FSTL4: variants seen among roughly 807,000 people sequenced by gnomAD.
The protein encoded by FSTL4 is follistatin like 4.
FSTL4 carries 28 observed loss-of-function variants against 78.2 expected under a neutral mutation model. The observed-to-expected ratio is 0.36, with a 90% CI of 0.27 to 0.49. The LOEUF (loss-of-function observed/expected upper bound fraction) is 0.49. Ranked by LOEUF, FSTL4 falls within the 20% of genes least tolerant of loss-of-function variation. The probability of loss-of-function intolerance (pLI) is 0.98; values close to 1 mark genes in which losing one functional copy is unlikely to be tolerated. For missense variants in FSTL4, 922 were observed against 1,084.9 expected, an observed-to-expected ratio of 0.85 and a Z score of 2.11; for synonymous variants, 422 against 440.5, an observed-to-expected ratio of 0.96 and a Z score of 0.53.
At chr5:133,525,578 C>G (rs1759078178) in intron 3 of FSTL4, among the ~76,000 whole-genome samples, 1 of 152,214 alleles carries the variant, frequency 6.6e-6, no homozygotes. Context: ...AAATGATCAT[C>G]AGAAACCGTC....
the FSTL4 span, among the ~76,000 whole-genome samples, chr5:133,701,088 G>A: frequency 6.6e-6 from 1 of 152,086 alleles, no homozygotes; most frequent in Non-Finnish European, 1.5e-5. Context: ...GCCCCAGGGG[G>A]ACATTCCATA....
chr5:133,746,722 T>C, the FSTL4 span, among the ~76,000 whole-genome samples: 1 of 152,102 alleles, frequency 6.6e-6, no homozygotes, highest in African/African-American at 2.4e-5. Flanking sequence ...AAAAAAGCGA[T>C]TCCATTTTCA....
chr5:133,394,240 G>A (rs1167642971), intron 4 of FSTL4, among the ~76,000 whole-genome samples: 4 of 152,366 alleles, frequency 2.6e-5, no homozygotes, highest in East Asian at 1.9e-4. Context: ...CAGCCTTGGC[G>A]CCCACTCTGG....
chr5:133,741,717 C>T, the FSTL4 span, among the ~76,000 whole-genome samples: 751 of 152,342 alleles, frequency 4.9e-3, 6 homozygotes, highest in African/African-American at 0.017. Context: ...TATCCACACT[C>T]CCCGCACTGT....
At chr5:133,657,073 A>C in the FSTL4 span, among the ~76,000 whole-genome samples, 1 of 152,198 alleles carries the variant, frequency 6.6e-6, no homozygotes, top group Non-Finnish European at 1.5e-5. Flanking sequence ...TTCAGAAGTC[A>C]GGTTTGGACA....
At chr5:133,303,427 C>T (rs1352830335) in intron 6 of FSTL4, among the ~76,000 whole-genome samples, 2 of 152,254 alleles carry the variant, frequency 1.3e-5, no homozygotes, top group African/African-American at 4.8e-5. Flanking sequence ...TCCAATGCCT[C>T]TCTCTGCCTA....
chr5:133,796,987 G>A, the FSTL4 span, among the ~76,000 whole-genome samples: 2 of 152,244 alleles, frequency 1.3e-5, no homozygotes, highest in African/African-American at 4.8e-5. Context: ...ACTGCATTGA[G>A]CCCAGGAATC....
At chr5:133,427,577 C>CG (rs750334953) in intron 3 of FSTL4, 2 of 476,998 alleles carry the variant, frequency 4.2e-6, no homozygotes, top group Non-Finnish European at 8.9e-6. Flanking sequence ...CACGCAATGG[C>CG]GGGGGGAAGG....
chr5:133,199,152 C>G lies in FSTL4; in HGVS notation c.2472G>C (p.Arg824=). 1 of 1,600,522 alleles carries G rather than the reference C, an allele frequency of 6.2e-7. No homozygotes were observed. The highest frequency in any genetic ancestry group is 8.5e-7 in the Non-Finnish European group (1 of 1,171,296). ...CCCCCTTTATACCTGACACCTCACA[C>G]CGCAGCGTGTTTTGTCTCCCATTGA... ...FLINGRQNTL[R]CEVSGIKGGT... The change falls in exon 16 of 16, where the codon CGG becomes CGC. Residue 824 remains arginine (R), a synonymous_variant. Coordinates refer to ENST00000265342, the MANE Select transcript of FSTL4 (RefSeq NM_015082.2). This position sits in a 1 kb window ranked among gnomAD's most constrained non-coding sequence, Gnocchi z 4.4.
rs1760924585 is a variant in FSTL4, at chr5:133,603,975, T to G, written c.9A>C (p.Pro3=). Residue 3 remains proline (P), a synonymous_variant, in exon 2 of 16, where the codon CCA becomes CCC. Transcript: ENST00000265342. Reference sequence around the variant, plus strand: ...GTGTGAGATGCAGCCAAAAGCCTCCTGGTTTCATTTTGATGAGTCTGTTGA... The same window carrying G: ...GTGTGAGATGCAGCCAAAAGCCTCCGGGTTTCATTTTGATGAGTCTGTTGA... MK[P]GGFWLHLTLL... 1 of 1,612,194 alleles carries G rather than the reference T, an allele frequency of 6.2e-7. No homozygotes were observed. Among genetic ancestry groups the G allele is most frequent in the Non-Finnish European group, 8.5e-7 (1 of 1,178,384 alleles).
the FSTL4 span, among the ~76,000 whole-genome samples, chr5:133,795,895 C>T: frequency 6.6e-6 from 1 of 152,210 alleles, no homozygotes; most frequent in South Asian, 2.1e-4. Flanking sequence ...GAGTGTGAAT[C>T]CAGGCCTGCG....
rs1241263741 is a variant in FSTL4 at position 133,503,923 on chromosome 5, T to TA, written c.160+63262dup. On this transcript the variant is annotated intron_variant, in intron 3 of 15. Coordinates refer to ENST00000265342, the MANE Select transcript of FSTL4 (RefSeq NM_015082.2). ...AGGGCTGGGGAGGCCTCAGGTAACT[T>TA]ACGATCATGGCAGAAGGGGAAGAAA... Among the ~76,000 whole-genome samples the TA allele has an allele frequency of 5.3e-5, 8 of 152,290 alleles. No homozygotes were observed. In the South Asian group the frequency reaches 6.2e-4, roughly 12 times the overall value.
intron 6 of FSTL4, among the ~76,000 whole-genome samples, chr5:133,305,379 G>C (rs1341216505): frequency 1.3e-5 from 2 of 152,098 alleles, no homozygotes; most frequent in African/African-American, 4.8e-5. Context: ...TTCTACCCTG[G>C]GTATTGCCTC....
At chr5:133,350,588 TA>T (rs1679262601) in intron 4 of FSTL4, among the ~76,000 whole-genome samples, 1 of 152,244 alleles carries the variant, frequency 6.6e-6, no homozygotes, top group Non-Finnish European at 1.5e-5. Context: ...AAATTTTCTG[TA>T]ACAGGTACGA....
chr5:133,623,376 G>T, the FSTL4 span, among the ~76,000 whole-genome samples: 1 of 152,090 alleles, frequency 6.6e-6, no homozygotes, highest in East Asian at 1.9e-4. Context: ...TTCAACAAGG[G>T]TTCTAAGACT....
At chr5:133,616,310 A>AATCAATCTATCC (rs1554073699), upstream of FSTL4, among the ~76,000 whole-genome samples, 2 of 147,162 alleles carry the variant, frequency 1.4e-5, no homozygotes, top group African/African-American at 5.1e-5. Context: ...TGAAAATCTA[A>AATCAATCTATCC]ATCTATCTAT....
intron 3 of FSTL4, among the ~76,000 whole-genome samples, chr5:133,456,666 C>T (rs908634805): frequency 8.6e-5 from 13 of 151,890 alleles, no homozygotes; most frequent in African/African-American, 3.2e-4. Context: ...GGTCAAGGCA[C>T]ATCATACAAA....
intron 4 of FSTL4, among the ~76,000 whole-genome samples, chr5:133,359,968 A>G (rs1168565777): frequency 6.6e-6 from 1 of 152,140 alleles, no homozygotes; most frequent in Non-Finnish European, 1.5e-5. Flanking sequence ...CAGTATTCTG[A>G]GCTCCAGCCT....
intron 3 of FSTL4, among the ~76,000 whole-genome samples, chr5:133,562,739 GAC>G (rs1759943566): frequency 6.6e-6 from 1 of 152,172 alleles, no homozygotes; most frequent in Non-Finnish European, 1.5e-5. Context: ...CACAATCACG[GAC>G]ATCTGGAATA....
Sources: allele counts gnomAD v4.1 joint callset (sites outside exome capture counted in the v4.1 genomes callset), GRCh38; gene constraint gnomAD v4.1.1; non-coding constraint Gnocchi (gnomAD v3.1); transcripts MANE v1.5; gene names NCBI Gene and HGNC (gene_info 2026-07-23, HGNC 2026-07-21).